Variants in LRBA observed in about 807,000 individuals in gnomAD.
The protein encoded by LRBA is LPS responsive beige-like anchor protein, also known as lipopolysaccharide-responsive and beige-like anchor protein.
In LRBA, 176 loss-of-function variants were observed where a neutral mutation model predicts 330.0. The observed-to-expected ratio is 0.53, with a 90% CI of 0.47 to 0.60. The LOEUF is 0.60. LRBA is among the 20% of genes least tolerant of loss of function. LRBA has a pLI of 0.00. For synonymous variants in LRBA, 1,230 were observed against 1,193.0 expected (o/e 1.03, Z -0.64); for missense variants, 3,259 against 3,444.8 (o/e 0.95, Z 1.35).
intron 47 of LRBA, among the ~76,000 whole-genome samples, chr4:150,411,218 G>A (rs1230003434): frequency 6.6e-6 from 1 of 152,062 alleles, no homozygotes; most frequent in Non-Finnish European, 1.5e-5. Context: ...ATTATCTTCT[G>A]TTCATAAGCC....
intron 44 of LRBA, among the ~76,000 whole-genome samples, chr4:150,466,398 G>A (rs1425304760): frequency 1.3e-5 from 2 of 152,110 alleles, no homozygotes; most frequent in Non-Finnish European, 2.9e-5. Context: ...TTCTGACTGA[G>A]ACTGTGAATC....
chr4:150,607,014 C>A (rs1406312474), intron 37 of LRBA, among the ~76,000 whole-genome samples: 2 of 152,048 alleles, frequency 1.3e-5, no homozygotes, highest in African/African-American at 4.8e-5. Flanking sequence ...ATGGAAAAGG[C>A]ACTATAAGCC....
intron 17 of LRBA, among the ~76,000 whole-genome samples, chr4:150,889,741 CCT>C (rs1729286521): frequency 6.6e-6 from 1 of 152,130 alleles, no homozygotes; most frequent in Non-Finnish European, 1.5e-5. Context: ...AGGCTGGGGA[CCT>C]CTGTTTTAGA....
chr4:150,977,562 C>T (rs900732711), intron 2 of LRBA, among the ~76,000 whole-genome samples: 2 of 151,910 alleles, frequency 1.3e-5, no homozygotes, highest in African/African-American at 4.8e-5. Flanking sequence ...GGAATCACCT[C>T]GGACACAGTG....
At chr4:150,735,059 T>C (rs1308996760) in intron 36 of LRBA, among the ~76,000 whole-genome samples, 199 bp downstream of exon 36, 2 of 152,092 alleles carry the variant, frequency 1.3e-5, no homozygotes, top group African/African-American at 4.8e-5. Context: ...CTGTGGTAGC[T>C]CAACTACAAT....
chr4:150,422,117 T>C (rs1309453902), intron 46 of LRBA, among the ~76,000 whole-genome samples: 1 of 151,854 alleles, frequency 6.6e-6, no homozygotes, highest in Non-Finnish European at 1.5e-5. Flanking sequence ...CAAAAATCAG[T>C]CGGGCATCAT....
intron 37 of LRBA, among the ~76,000 whole-genome samples, chr4:150,638,895 C>T (rs1471190171): frequency 2.9e-5 from 3 of 103,284 alleles, no homozygotes; most frequent in Admixed American, 1.2e-4. Flanking sequence ...TATAAAGACA[C>T]ATGCACACGT....
intron 47 of LRBA, among the ~76,000 whole-genome samples, chr4:150,360,775 C>T (rs1260147849): frequency 6.6e-6 from 1 of 152,170 alleles, no homozygotes; most frequent in Non-Finnish European, 1.5e-5. Flanking sequence ...GAAATGACAG[C>T]AGAAATGTAA....
intron 26 of LRBA, among the ~76,000 whole-genome samples, chr4:150,848,596 A>G (rs1442626072): frequency 6.6e-6 from 1 of 151,772 alleles, no homozygotes; most frequent in East Asian, 1.9e-4. Flanking sequence ...GGGAGAGTGG[A>G]AACTCCTGAC....
chr4:150,543,048 G>T (rs892527869), intron 40 of LRBA, among the ~76,000 whole-genome samples: 1 of 152,016 alleles, frequency 6.6e-6, no homozygotes, highest in Non-Finnish European at 1.5e-5. Flanking sequence ...CAAAAAACTA[G>T]AACACATATT....
At chr4:150,570,828 G>C (rs1049808952) in intron 40 of LRBA, among the ~76,000 whole-genome samples, 7 of 152,016 alleles carry the variant, frequency 4.6e-5, no homozygotes, top group African/African-American at 1.7e-4. Context: ...TTACCTCTTA[G>C]TACTGAACAT....
chr4:150,735,133 C>T, intron 36 of LRBA, 125 bp downstream of exon 36: 6 of 723,844 alleles, frequency 8.3e-6, no homozygotes, highest in South Asian at 1.7e-5. Context: ...TCCTATAAAC[C>T]TAGATTTTAA....
intron 37 of LRBA, among the ~76,000 whole-genome samples, chr4:150,615,383 A>T (rs1271362443): frequency 6.6e-6 from 1 of 152,210 alleles, no homozygotes; most frequent in Non-Finnish European, 1.5e-5. Context: ...CTGTGAGTGG[A>T]AAGAGTGTCC....
At chr4:150,780,015 G>A (rs529142549) in intron 34 of LRBA, among the ~76,000 whole-genome samples, 2 of 152,262 alleles carry the variant, frequency 1.3e-5, no homozygotes, top group African/African-American at 2.4e-5. Context: ...ACTTCTGCAT[G>A]CTCAATCCCA....
chr4:150,651,131 T>A (rs183858556), intron 37 of LRBA, among the ~76,000 whole-genome samples: 1 of 152,198 alleles, frequency 6.6e-6, no homozygotes, highest in Non-Finnish European at 1.5e-5. Context: ...ATTATTATAC[T>A]GTAAAGCACA....
chr4:150,912,881 T>A lies in LRBA; in HGVS notation c.1161+1314A>T, dbSNP rs1205414937. Among the ~76,000 whole-genome samples, 3 of 152,198 alleles carry A rather than the reference T, an allele frequency of 2.0e-5. No homozygotes were observed. In the East Asian group the frequency reaches 5.8e-4, roughly 29 times the overall value. On this transcript the variant is annotated intron_variant, in intron 9 of 56. Transcript: ENST00000651943. ...CTTAGACTGAGGTCACTGAATCTCGTAAGTTTTGGTAGGTTGTGCTTACAT... is the reference window on the plus strand; with the variant it reads ...CTTAGACTGAGGTCACTGAATCTCGAAAGTTTTGGTAGGTTGTGCTTACAT...
chr4:150,817,053 T>C (rs979255147), intron 31 of LRBA, 71 bp downstream of exon 31: 1 of 1,413,434 alleles, frequency 7.1e-7, no homozygotes, highest in Non-Finnish European at 9.9e-7. Flanking sequence ...TTTAAGTTAA[T>C]CAAAAATCTT....
chr4:150,322,408 C>A (rs1432097258), intron 49 of LRBA, among the ~76,000 whole-genome samples: 1 of 152,156 alleles, frequency 6.6e-6, no homozygotes, highest in Admixed American at 6.6e-5. Context: ...TTCTCTCCTA[C>A]CATGTCTGTT....
intron 40 of LRBA, among the ~76,000 whole-genome samples, chr4:150,514,690 G>A (rs905812197): frequency 1.3e-5 from 2 of 152,128 alleles, no homozygotes; most frequent in African/African-American, 4.8e-5. Context: ...GGCAGAAAAA[G>A]AGACAGGACA....
Sources: gnomAD v4.1 joint callset for allele counts (sites outside exome capture counted in the v4.1 genomes callset) on GRCh38, gnomAD v4.1.1 for gene constraint, MANE v1.5 for transcripts, NCBI Gene and HGNC (gene_info 2026-07-23, HGNC 2026-07-21) for gene names.